Variants in GNB4 observed in about 807,000 individuals in gnomAD.
GNB4 encodes guanine nucleotide-binding protein subunit beta-4.
A neutral mutation model predicts 45.2 loss-of-function variants in GNB4; 28 were observed. That is an observed-to-expected ratio of 0.62 (90% CI 0.46 to 0.85). The LOEUF (loss-of-function observed/expected upper bound fraction) is 0.85, where lower values mean the gene tolerates loss of function less well. Among genes scored for constraint, GNB4 ranks in the 40% least tolerant of loss-of-function variants. The probability of loss-of-function intolerance (pLI) is 0.00; values close to 1 mark genes in which losing one functional copy is unlikely to be tolerated. For synonymous variants in GNB4, 132 were observed against 143.7 expected (o/e 0.92, Z 0.58); for missense variants, 321 against 425.4 (o/e 0.75, Z 2.16).
intron 1 of GNB4, among the ~76,000 whole-genome samples, chr3:179,435,144 A>G (rs1715410402): frequency 6.6e-6 from 1 of 152,210 alleles, no homozygotes; most frequent in Non-Finnish European, 1.5e-5. Flanking sequence ...ATCCAGGCAT[A>G]TGACTCTGAA....
At chr3:179,469,675 G>A in the GNB4 span, among the ~76,000 whole-genome samples, 10 of 152,098 alleles carry the variant, frequency 6.6e-5, no homozygotes, top group African/African-American at 2.4e-4. Flanking sequence ...AAACACTGAG[G>A]AATATGGTCC....
intron 8 of GNB4, chr3:179,406,081 G>A (rs1714462815): frequency 6.6e-6 from 1 of 151,988 alleles, no homozygotes; most frequent in Admixed American, 6.6e-5. Flanking sequence ...CATCACTACT[G>A]TCCCTTTCAT....
intron 1 of GNB4, among the ~76,000 whole-genome samples, chr3:179,432,164 G>A (rs938667603): frequency 2.6e-5 from 4 of 152,156 alleles, no homozygotes; most frequent in African/African-American, 4.8e-5. Context: ...GAAAGGGAGC[G>A]TAGTTATGAG....
chr3:179,524,238 C>T, the GNB4 span, among the ~76,000 whole-genome samples: 7 of 152,214 alleles, frequency 4.6e-5, no homozygotes, highest in African/African-American at 1.7e-4. Flanking sequence ...AGTCAGAGGG[C>T]CTTGGGCCAG....
chr3:179,466,120 T>G, the GNB4 span, among the ~76,000 whole-genome samples: 5 of 151,598 alleles, frequency 3.3e-5, no homozygotes, highest in Admixed American at 6.6e-5. Flanking sequence ...GAACAATTCT[T>G]GTGCCTCAGC....
At position 179,399,961 on chromosome 3, in the gene GNB4, CTG is replaced by C. The variant is rs1236581667; in HGVS notation, c.*1250_*1251del. 6.6e-6 allele frequency: 1 copy of C among 152,164 alleles called. No homozygotes were observed. Among genetic ancestry groups the C allele is most frequent in the Admixed American group, 6.5e-5 (1 of 15,272 alleles). The allele number at this position is 152,164 out of a possible 1,614,324, so 9.4% of individuals were successfully genotyped here. On this transcript the variant is annotated 3_prime_UTR_variant, in exon 10 of 10. Transcript: ENST00000232564. ...GACACATTATTATACCACAGAAAAA[CTG>C]TTTAATATAGCTCTCTAACTCCTTT...
intron 1 of GNB4, among the ~76,000 whole-genome samples, chr3:179,446,326 G>T (rs572157438): frequency 1.4e-3 from 212 of 152,312 alleles, no homozygotes; most frequent in Non-Finnish European, 2.1e-3. Flanking sequence ...GTCAATAAAG[G>T]TTCACTGAAA....
At chr3:179,478,896 G>A in the GNB4 span, among the ~76,000 whole-genome samples, 1 of 152,122 alleles carries the variant, frequency 6.6e-6, no homozygotes, top group African/African-American at 2.4e-5. Context: ...GAAGTGTGTA[G>A]CACCTCCCAC....
At chr3:179,494,066 A>C in the GNB4 span, among the ~76,000 whole-genome samples, 22 of 152,128 alleles carry the variant, frequency 1.4e-4, no homozygotes, top group African/African-American at 2.4e-4. Context: ...TGGATCTAGA[A>C]CTTCCATTGC....
the GNB4 span, among the ~76,000 whole-genome samples, chr3:179,478,284 T>C: frequency 1.3e-5 from 2 of 152,180 alleles, no homozygotes; most frequent in African/African-American, 4.8e-5. Context: ...TAATGACAAC[T>C]AAATTTCAAA....
chr3:179,473,542 C>T, the GNB4 span, among the ~76,000 whole-genome samples: 1 of 152,040 alleles, frequency 6.6e-6, no homozygotes, highest in Non-Finnish European at 1.5e-5. Context: ...CTCAAGCAAA[C>T]TTCCCACCTC....
chr3:179,494,393 C>T, the GNB4 span, among the ~76,000 whole-genome samples: 2 of 151,946 alleles, frequency 1.3e-5, no homozygotes, highest in South Asian at 4.2e-4. Flanking sequence ...AAATCACTAG[C>T]TGGGTGTTGT....
chr3:179,426,923 A>C (rs1162437240), intron 1 of GNB4, among the ~76,000 whole-genome samples: 1 of 151,918 alleles, frequency 6.6e-6, no homozygotes, highest in Non-Finnish European at 1.5e-5. Flanking sequence ...TAAATCCTCC[A>C]ATGGTTTTCC....
the GNB4 span, among the ~76,000 whole-genome samples, chr3:179,498,420 T>C: frequency 6.6e-6 from 1 of 152,006 alleles, no homozygotes; most frequent in Non-Finnish European, 1.5e-5. Context: ...GCAAAAATAG[T>C]TGGTTGAGTT....
At chr3:179,509,480 T>A in the GNB4 span, among the ~76,000 whole-genome samples, 22 of 151,812 alleles carry the variant, frequency 1.4e-4, 2 homozygotes, top group East Asian at 5.8e-4. Context: ...GTGAAGAGAG[T>A]TAGGTGGTAG....
chr3:179,467,227 G>A, the GNB4 span, among the ~76,000 whole-genome samples: 9 of 152,202 alleles, frequency 5.9e-5, no homozygotes, highest in Admixed American at 1.3e-4. Context: ...TGCCCAGGCT[G>A]GTCTTGACCT....
the GNB4 span, among the ~76,000 whole-genome samples, chr3:179,458,528 C>T: frequency 6.6e-6 from 1 of 152,132 alleles, no homozygotes; most frequent in Non-Finnish European, 1.5e-5. Context: ...TAAATATATT[C>T]GTCCCTCTGT....
chr3:179,496,109 G>C, the GNB4 span, among the ~76,000 whole-genome samples: 2 of 152,066 alleles, frequency 1.3e-5, no homozygotes, highest in Non-Finnish European at 2.9e-5. Context: ...AAAGACAAAA[G>C]TATTTAGAAA....
At chr3:179,459,393 T>C in the GNB4 span, among the ~76,000 whole-genome samples, 1 of 152,132 alleles carries the variant, frequency 6.6e-6, no homozygotes, top group Non-Finnish European at 1.5e-5. Context: ...CTTAGAAGCC[T>C]ACCTTCCGGC....
Sources: gnomAD v4.1 joint callset for allele counts (sites outside exome capture counted in the v4.1 genomes callset) on GRCh38, gnomAD v4.1.1 for gene constraint, MANE v1.5 for transcripts, NCBI Gene and HGNC (gene_info 2026-07-23, HGNC 2026-07-21) for gene names.